ABCA4: variants seen among roughly 807,000 people sequenced by gnomAD.
The protein encoded by ABCA4 is ATP binding cassette subfamily A member 4.
ABCA4 carries 196 observed loss-of-function variants against 263.7 expected under a neutral mutation model. That is an observed-to-expected ratio of 0.74 (90% CI 0.66 to 0.84). The LOEUF is 0.84. Ranked by LOEUF, ABCA4 falls within the 40% of genes least tolerant of loss-of-function variation. ABCA4 has a pLI of 0.00. For synonymous variants in ABCA4, 1,133 were observed against 1,094.2 expected (o/e 1.04, Z -0.70); for missense variants, 2,792 against 2,855.1 (o/e 0.98, Z 0.50).
Position 94,077,670 on chromosome 1 carries a change from T to TG in ABCA4, c.1554+19dup. On this transcript the variant is annotated intron_variant, in intron 11 of 49. Transcript: ENST00000370225. ...GGGGCTATCTTCAAGGGGCCCACTG[T>TG]GGGGCTTGCAGCCCCTTACCTCCAG... 1 of 1,597,980 alleles carries TG rather than the reference T, an allele frequency of 6.3e-7. No individual in the cohort carries two copies. Among genetic ancestry groups the TG allele is most frequent in the Non-Finnish European group, 8.5e-7 (1 of 1,171,090 alleles).
chr1:94,054,021 C>A (rs1288350275), intron 16 of ABCA4, among the ~76,000 whole-genome samples: 4 of 152,208 alleles, frequency 2.6e-5, no homozygotes, highest in Admixed American at 2.6e-4. Flanking sequence ...GCATGGCTGC[C>A]ACAGCACAAG....
chr1:94,055,366 T>C, intron 15 of ABCA4, 51 bp from the exon 16 acceptor site: 1 of 1,580,422 alleles, frequency 6.3e-7, no homozygotes, highest in African/African-American at 1.3e-5. Context: ...TTTTATCCAA[T>C]GCAACAGCAC....
At chr1:94,116,915 T>C (rs1266432621) in intron 1 of ABCA4, among the ~76,000 whole-genome samples, 2 of 152,126 alleles carry the variant, frequency 1.3e-5, no homozygotes, top group East Asian at 3.8e-4. Context: ...CTTCTTTTTT[T>C]CTTTTTCTTT....
intron 34 of ABCA4, 87 bp from the exon 35 acceptor site, chr1:94,021,496 G>T (rs1326355492): frequency 3.2e-6 from 5 of 1,578,802 alleles, no homozygotes; most frequent in Non-Finnish European, 4.4e-6. Context: ...TGAGAAGCAG[G>T]AAGGGTTTGG....
chr1:94,068,136 C>T (rs1322922274), intron 11 of ABCA4, among the ~76,000 whole-genome samples: 1 of 152,134 alleles, frequency 6.6e-6, no homozygotes, highest in Non-Finnish European at 1.5e-5. Context: ...TAGAACAATG[C>T]TATGGACAGA....
intron 25 of ABCA4, 47 bp from the exon 26 acceptor site, chr1:94,036,835 C>T: frequency 6.3e-7 from 1 of 1,589,838 alleles, no homozygotes. Context: ...CATTCTTATT[C>T]TCAGAAAAAT....
intron 1 of ABCA4, among the ~76,000 whole-genome samples, chr1:94,115,195 G>A (rs1557811359): frequency 6.6e-6 from 1 of 152,208 alleles, no homozygotes; most frequent in East Asian, 1.9e-4. Context: ...GATGAAACCT[G>A]GAAGTTGTTT....
rs763466697 is a variant in ABCA4 at position 94,047,106 on chromosome 1, A to C, written c.2744-13T>G. 2 of 1,613,990 alleles carry C rather than the reference A, an allele frequency of 1.2e-6. No individual in the cohort carries two copies. Among genetic ancestry groups the C allele is most frequent in the East Asian group, 4.5e-5 (2 of 44,880 alleles). On this transcript the variant is annotated splice_polypyrimidine_tract_variant and intron_variant, in intron 18 of 49. Coordinates refer to ENST00000370225, the MANE Select transcript of ABCA4 (RefSeq NM_000350.3). ...TCAAAGAAGGAGTCTTGGAGGAAAA[A>C]AAATGAACATGATGTAAACATAATG...
chr1:94,023,103 T>C (rs1659943993), intron 32 of ABCA4, among the ~76,000 whole-genome samples: 1 of 152,172 alleles, frequency 6.6e-6, no homozygotes, highest in South Asian at 2.1e-4. Flanking sequence ...TAAACTGTTA[T>C]ATACTTGGAG....
intron 30 of ABCA4, among the ~76,000 whole-genome samples, chr1:94,026,403 T>C (rs932761749): frequency 1.3e-5 from 2 of 152,212 alleles, no homozygotes; most frequent in Non-Finnish European, 2.9e-5. Flanking sequence ...ATTTTTAGCT[T>C]AATTTACAGA....
At position 94,080,540 on chromosome 1, in the gene ABCA4, T is replaced by G. The variant is rs61752389; in HGVS notation, c.1037A>C (p.Lys346Thr). The G allele has an allele frequency of 8.1e-6, 13 of 1,613,998 alleles. No individual in the cohort carries two copies. The highest frequency in any genetic ancestry group is 1.3e-5 in the African/African-American group (1 of 74,890). The change falls in exon 8 of 50, where the codon AAG becomes ACG. Residue 346 changes from lysine to threonine, a missense_variant. Coordinates refer to ENST00000370225, the MANE Select transcript of ABCA4 (RefSeq NM_000350.3). ...TGTGGAGTCAATCCCCAGAAAGGCC[T>G]TATAGTTATTGTCTTCATACCAGTT... ...SFNWYEDNNY[K>T]AFLGIDSTRK...
rs7533425 is a variant in ABCA4 at position 94,005,254 on chromosome 1, C to G, written c.6147+187G>C. 0.05 allele frequency: 34,783 copies of G among 699,992 alleles called. 2,096 individuals carry two copies. Among genetic ancestry groups the G allele is most frequent in the African/African-American group, 0.24 (13,167 of 55,976 alleles). The allele number at this position is 699,992 out of a possible 1,614,324, so 43.4% of individuals were successfully genotyped here. A position where few individuals can be genotyped will look rare whatever the true frequency, so the allele number is the denominator to read the frequency against. On this transcript the variant is annotated intron_variant, in intron 44 of 49. Transcript: ENST00000370225. The stretch of plus-strand genomic sequence containing the variant: ...AGAGTGGGGATTTTTTTTTGTCTGT[C>G]TTGTTCACTGCTATACTCCTGGTTT...
At chr1:94,106,330 T>C (rs1466087280) in intron 4 of ABCA4, among the ~76,000 whole-genome samples, 1 of 152,188 alleles carries the variant, frequency 6.6e-6, no homozygotes, top group Non-Finnish European at 1.5e-5. Flanking sequence ...AACTGTGGTT[T>C]GAAATTACTT....
In ABCA4 at chr1:94,002,411, C is replaced by T. The variant is rs143336701; in HGVS notation, c.6148-419G>A. ...AAAGCCTTGTGCATCCGACACATAC[C>T]TATGGAGCACTGACCATACGCCAGG... On this transcript the variant is annotated intron_variant, in intron 44 of 49. Coordinates refer to ENST00000370225, the MANE Select transcript of ABCA4 (RefSeq NM_000350.3). Among the ~76,000 whole-genome samples, 98 of 152,374 alleles carry T rather than the reference C, an allele frequency of 6.4e-4. 1 individual carries two copies. The East Asian group carries it at 0.014, about 22-fold the overall frequency.
intron 18 of ABCA4, 114 bp from the exon 19 acceptor site, chr1:94,047,207 C>A: frequency 8.6e-7 from 1 of 1,156,350 alleles, no homozygotes; most frequent in Non-Finnish European, 1.3e-6. Flanking sequence ...CCTGTGGCTT[C>A]GGCTATCACC....
At chr1:94,090,997 T>C (rs919805783) in intron 6 of ABCA4, among the ~76,000 whole-genome samples, 6 of 151,946 alleles carry the variant, frequency 3.9e-5, no homozygotes, top group African/African-American at 1.2e-4. Context: ...GTGAGGACAG[T>C]GTCTGTCAGT....
intron 14 of ABCA4, 69 bp downstream of exon 14, chr1:94,060,468 A>G (rs945437816): frequency 3.0e-5 from 43 of 1,435,020 alleles, no homozygotes; most frequent in Non-Finnish European, 4.0e-5. Context: ...ATCCAGGCAC[A>G]TGAACAGGAG....
intron 19 of ABCA4, chr1:94,045,986 C>T (rs955921593): frequency 2.2e-6 from 1 of 455,632 alleles, no homozygotes; most frequent in Non-Finnish European, 4.4e-6. Context: ...CGCGCAGAGC[C>T]CCTTTGCCTT....
intron 1 of ABCA4, among the ~76,000 whole-genome samples, chr1:94,116,931 TC>T (rs1662779539): frequency 4.0e-5 from 6 of 151,720 alleles, no homozygotes; most frequent in African/African-American, 1.5e-4. Flanking sequence ...TCTTTTCTTT[TC>T]TTTTCCCCTT....
Sources: gnomAD v4.1 joint callset for allele counts (sites outside exome capture counted in the v4.1 genomes callset) on GRCh38, gnomAD v4.1.1 for gene constraint, MANE v1.5 for transcripts, NCBI Gene and HGNC (gene_info 2026-07-23, HGNC 2026-07-21) for gene names.